MAGI2: variants seen among roughly 807,000 people sequenced by gnomAD.
The protein encoded by MAGI2 is membrane-associated guanylate kinase, WW and PDZ domain-containing protein 2.
In MAGI2, 35 loss-of-function variants were observed where a neutral mutation model predicts 133.3. The observed-to-expected ratio is 0.26, with a 90% CI of 0.20 to 0.35. MAGI2 has a LOEUF of 0.35. MAGI2 is among the 10% of genes least tolerant of loss of function. MAGI2 has a pLI of 1.00. For missense variants in MAGI2, 1,636 were observed against 1,863.4 expected (o/e 0.88, Z 2.25); for synonymous variants, 729 against 710.6 (o/e 1.03, Z -0.41).
intron 20 of MAGI2, among the ~76,000 whole-genome samples, chr7:78,109,111 T>A (rs963617657): frequency 6.6e-6 from 1 of 150,768 alleles, no homozygotes; most frequent in Non-Finnish European, 1.5e-5. Flanking sequence ...GAGACCATCC[T>A]GGCTAACACA....
intron 4 of MAGI2, among the ~76,000 whole-genome samples, chr7:78,513,153 A>G (rs1193055333): frequency 6.6e-6 from 1 of 152,150 alleles, no homozygotes; most frequent in African/African-American, 2.4e-5. Flanking sequence ...GCATAGTATT[A>G]TATAAAACAG....
intron 2 of MAGI2, among the ~76,000 whole-genome samples, chr7:78,881,061 G>A (rs1429182668): frequency 6.6e-6 from 1 of 152,122 alleles, no homozygotes; most frequent in Non-Finnish European, 1.5e-5. Context: ...GGAGGACTCA[G>A]ATTTATAAAA....
intron 1 of MAGI2, among the ~76,000 whole-genome samples, chr7:79,427,479 T>C (rs899105141): frequency 2.6e-5 from 4 of 152,094 alleles, no homozygotes; most frequent in African/African-American, 9.7e-5. Context: ...AATAAAAGAA[T>C]GTAGATATCA....
intron 2 of MAGI2, among the ~76,000 whole-genome samples, chr7:78,767,513 C>T (rs1376985328): frequency 6.6e-6 from 1 of 152,072 alleles, no homozygotes; most frequent in Non-Finnish European, 1.5e-5. Context: ...TAAGCTCAGT[C>T]TTTTATCATA....
chr7:79,072,909 T>G (rs564228032), intron 1 of MAGI2, among the ~76,000 whole-genome samples: 1 of 152,216 alleles, frequency 6.6e-6, no homozygotes, highest in Non-Finnish European at 1.5e-5. Context: ...CTAGGTTCAG[T>G]AGTTGTCCCT....
intron 2 of MAGI2, among the ~76,000 whole-genome samples, chr7:78,758,133 G>A (rs1824142108): frequency 1.3e-5 from 2 of 151,864 alleles, no homozygotes; most frequent in Non-Finnish European, 2.9e-5. Flanking sequence ...ACATTTAACG[G>A]TCCTTTTTCC....
intron 2 of MAGI2, among the ~76,000 whole-genome samples, chr7:78,655,996 AAGAAAAAG>A (rs1812228741): frequency 6.7e-6 from 1 of 148,888 alleles, no homozygotes; most frequent in Non-Finnish European, 1.5e-5. Context: ...AAAAAAAAAA[AAGAAAAAG>A]AAAAGAGGTT....
intron 2 of MAGI2, among the ~76,000 whole-genome samples, chr7:78,885,422 T>C (rs1350911208): frequency 6.6e-6 from 1 of 152,200 alleles, no homozygotes; most frequent in Non-Finnish European, 1.5e-5. Flanking sequence ...TGCTCCACGA[T>C]GATCCTTTCA....
chr7:78,504,317 T>C (rs1312404315), intron 4 of MAGI2, among the ~76,000 whole-genome samples: 3 of 151,586 alleles, frequency 2.0e-5, no homozygotes, highest in Non-Finnish European at 4.4e-5. Flanking sequence ...AATGGGGATA[T>C]TTTTGAAATA....
At chr7:79,353,448 G>A in intron 1 of MAGI2, 2 of 455,916 alleles carry the variant, frequency 4.4e-6, no homozygotes, top group Non-Finnish European at 8.8e-6. Context: ...GATACATTTT[G>A]GAACCCCAGG....
chr7:78,694,135 G>A (rs1817253936), intron 2 of MAGI2, among the ~76,000 whole-genome samples: 1 of 152,046 alleles, frequency 6.6e-6, no homozygotes, highest in Non-Finnish European at 1.5e-5. Flanking sequence ...TAACCATTTT[G>A]TAGGGTTGTC....
chr7:78,589,204 T>C (rs774209289), intron 3 of MAGI2, among the ~76,000 whole-genome samples: 41 of 152,218 alleles, frequency 2.7e-4, no homozygotes, highest in Admixed American at 6.5e-4. Context: ...ATCATCATCA[T>C]CACCATCACC....
intron 1 of MAGI2, among the ~76,000 whole-genome samples, chr7:79,319,736 T>C (rs556930714): frequency 6.7e-4 from 102 of 152,288 alleles, no homozygotes; most frequent in African/African-American, 2.3e-3. Flanking sequence ...ATCTTAAAAC[T>C]AATTTTATTT....
At chr7:78,074,173 C>T (rs1815026004) in intron 21 of MAGI2, among the ~76,000 whole-genome samples, 1 of 152,116 alleles carries the variant, frequency 6.6e-6, no homozygotes, top group Non-Finnish European at 1.5e-5. Flanking sequence ...TGGCACCTGA[C>T]GTTTAGTCTT....
intron 6 of MAGI2, among the ~76,000 whole-genome samples, chr7:78,416,923 T>C (rs1165633791): frequency 6.6e-6 from 1 of 152,128 alleles, no homozygotes; most frequent in African/African-American, 2.4e-5. Context: ...TCACAGCCCC[T>C]AGAACTGTGA....
At chr7:79,306,975 G>A (rs773662321) in intron 1 of MAGI2, among the ~76,000 whole-genome samples, 40 of 151,940 alleles carry the variant, frequency 2.6e-4, no homozygotes, top group Non-Finnish European at 5.0e-4. Context: ...CACCACACCC[G>A]GCTAATTTCT....
chr7:78,185,000 T>C (rs1827551805), intron 13 of MAGI2, among the ~76,000 whole-genome samples: 1 of 152,198 alleles, frequency 6.6e-6, no homozygotes, highest in Non-Finnish European at 1.5e-5. Flanking sequence ...TGAGACCTTC[T>C]AGCTTCTTAT....
intron 1 of MAGI2, among the ~76,000 whole-genome samples, chr7:79,337,238 G>A (rs1404037772): frequency 1.3e-5 from 2 of 152,102 alleles, no homozygotes; most frequent in Non-Finnish European, 2.9e-5. Flanking sequence ...AATTTACAAA[G>A]TTTCCAAGCG....
intron 7 of MAGI2, among the ~76,000 whole-genome samples, chr7:78,349,758 G>A (rs775810658): frequency 2.0e-5 from 3 of 152,158 alleles, no homozygotes; most frequent in Non-Finnish European, 4.4e-5. Flanking sequence ...ATGCTCACAA[G>A]CTCTAAAAGA....
Sources: gnomAD v4.1 joint callset for allele counts (sites outside exome capture counted in the v4.1 genomes callset) on GRCh38, gnomAD v4.1.1 for gene constraint, MANE v1.5 for transcripts, NCBI Gene and HGNC (gene_info 2026-07-23, HGNC 2026-07-21) for gene names.